The following EPS15L1 variants were observed in gnomAD, a reference collection of about 807,000 sequenced individuals.
EPS15L1 encodes epidermal growth factor receptor pathway substrate 15 like 1.
Under a neutral mutation model 117.1 loss-of-function variants are expected in EPS15L1, and 43 were observed. That is an observed-to-expected ratio of 0.37 (90% confidence interval 0.29 to 0.47). The LOEUF (loss-of-function observed/expected upper bound fraction) is 0.47. Ranked by LOEUF, EPS15L1 falls within the 20% of genes least tolerant of loss-of-function variation. The pLI, the probability that EPS15L1 is intolerant of heterozygous loss-of-function variation, is 0.99. For missense variants in EPS15L1, 981 were observed against 1,164.0 expected, an observed-to-expected ratio of 0.84 and a Z score of 2.29; for synonymous variants, 459 against 470.5, an observed-to-expected ratio of 0.98 and a Z score of 0.32.
At chr19:16,450,109 T>C (rs1201904994) in intron 1 of EPS15L1, among the ~76,000 whole-genome samples, 1 of 150,950 alleles carries the variant, frequency 6.6e-6, no homozygotes, top group Non-Finnish European at 1.5e-5. Context: ...TAGCCACGCA[T>C]GGTGGCACAT....
chr19:16,429,835 T>G (rs2092911347), intron 7 of EPS15L1, among the ~76,000 whole-genome samples: 1 of 152,152 alleles, frequency 6.6e-6, no homozygotes, highest in Non-Finnish European at 1.5e-5. Flanking sequence ...GGCTCCACAG[T>G]CCTCCCTCAG....
chr19:16,434,514 G>A lies in EPS15L1; in HGVS notation c.373-24C>T, dbSNP rs745786905. 6 of 1,608,418 alleles carry A rather than the reference G, an allele frequency of 3.7e-6. No individual in the cohort carries two copies. The Admixed American group carries it at 6.7e-5, about 18-fold the overall frequency. ...ACCTAGTTGGAAAGAAATAGCCCGA[G>A]TAAGTAGGAGAGCACACCTGTGTGA... On this transcript the variant is annotated intron_variant, in intron 6 of 23. Coordinates refer to ENST00000455140, the MANE Select transcript of EPS15L1 (RefSeq NM_001258374.3).
chr19:16,451,537 T>A (rs146273418), intron 1 of EPS15L1, among the ~76,000 whole-genome samples: 3,672 of 151,650 alleles, frequency 0.024, 120 homozygotes, highest in Admixed American at 0.086. Context: ...TTATTTTTTT[T>A]ATTTTTTTTG....
chr19:16,436,850 G>C (rs916489145), intron 6 of EPS15L1, 87 bp downstream of exon 6: 1 of 1,129,224 alleles, frequency 8.9e-7, no homozygotes, highest in Non-Finnish European at 1.3e-6. Flanking sequence ...CATCAAACTA[G>C]AACAATTCCA....
intron 6 of EPS15L1, 95 bp downstream of exon 6, chr19:16,436,842 T>A (rs2092982934): frequency 9.6e-7 from 1 of 1,040,704 alleles, no homozygotes; most frequent in East Asian, 2.4e-5. Context: ...CTGAACAACA[T>A]CAAACTAGAA....
rs533617673 is a variant in EPS15L1 at position 16,378,156 on chromosome 19, G to A, written c.2248-902C>T. ...GATGGGCAGGTAGAGACAGGGAGGCGGGTGGGTGGTAGACAGGGAGGCAGA... is the reference window on the plus strand; with the variant it reads ...GATGGGCAGGTAGAGACAGGGAGGCAGGTGGGTGGTAGACAGGGAGGCAGA... On this transcript the variant is annotated intron_variant, in intron 21 of 23. Coordinates refer to ENST00000455140, the MANE Select transcript of EPS15L1 (RefSeq NM_001258374.3). Among the ~76,000 whole-genome samples, 56 of 152,164 alleles carry A rather than the reference G, an allele frequency of 3.7e-4. No homozygotes were observed. In the South Asian group the frequency reaches 4.0e-3, roughly 11 times the overall value.
At chr19:16,393,509 C>T (rs1418363808) in intron 18 of EPS15L1, among the ~76,000 whole-genome samples, 14 of 151,272 alleles carry the variant, frequency 9.3e-5, no homozygotes, top group South Asian at 4.2e-4. Flanking sequence ...ATTAGCCGGG[C>T]GTGGTAGCGG....
In EPS15L1 at chr19:16,436,304, T is replaced by G. The variant is rs2092977704; in HGVS notation, c.372+633A>C. On this transcript the variant is annotated intron_variant, in intron 6 of 23. Transcript: ENST00000455140. ...AAAGTGAAGGGAAGGTGAGGAGGCC[T>G]GATGTTACTTGGAGGGACCATGCTC... 2.0e-5 allele frequency among the ~76,000 whole-genome samples: 3 copies of G among 152,208 alleles called. No individual in the cohort carries two copies. The South Asian group carries it at 6.2e-4, about 32-fold the overall frequency.
intron 3 of EPS15L1, 131 bp downstream of exon 3, chr19:16,441,761 G>T: frequency 1.5e-6 from 1 of 652,696 alleles, no homozygotes; most frequent in Non-Finnish European, 2.7e-6. Context: ...AGCCTGAGAG[G>T]TCTGCAGCGA....
At position 16,395,393 on chromosome 19, in the gene EPS15L1, T is replaced by G. The variant is rs1568414861; in HGVS notation, c.1866A>C (p.Thr622=). 6.2e-7 allele frequency: 1 copy of G among 1,614,044 alleles called. No individual in the cohort carries two copies. The highest frequency in any genetic ancestry group is 8.5e-7 in the Non-Finnish European group (1 of 1,179,914). The change falls in exon 17 of 24, where the codon ACA becomes ACC. Residue 622 remains threonine, a synonymous_variant. Transcript: ENST00000455140. ...ATGGGTCAGATTTGAAGGGGTCTTC[T>G]GTCTGGAAAGGATCCGGATGCAACT... ...TQELHPDPFQ[T]EDPFKSDPFK...
intron 10 of EPS15L1, among the ~76,000 whole-genome samples, 184 bp downstream of exon 10, chr19:16,421,135 G>C (rs1190629259): frequency 2.0e-5 from 3 of 152,248 alleles, no homozygotes; most frequent in Non-Finnish European, 4.4e-5. Context: ...CGGAGCGCGG[G>C]CTTCGAGCCT....
intron 13 of EPS15L1, chr19:16,413,010 GT>G: frequency 1.4e-6 from 1 of 720,696 alleles, no homozygotes; most frequent in Non-Finnish European, 2.4e-6. Flanking sequence ...CAAGGATGAG[GT>G]TTTGAAGATT....
rs1307938620 is a variant in EPS15L1 at position 16,377,218 on chromosome 19, C to T, written c.2284G>A (p.Gly762Arg). The T allele has an allele frequency of 1.2e-6, 2 of 1,612,746 alleles. No individual in the cohort carries two copies. Among genetic ancestry groups the T allele is most frequent in the East Asian group, 2.2e-5 (1 of 44,786 alleles). Residue 762 changes from glycine to arginine, a missense_variant, in exon 22 of 24, where the codon GGG (glycine) becomes AGG (arginine). Physicochemically the swap from Gly to Arg is moderately radical, Grantham distance 125. Around this residue, in one of 5 missense-constraint regions of EPS15L1, gnomAD observed 819 missense variants for 949.0 expected, o/e 0.86. Transcript: ENST00000455140. The stretch of plus-strand genomic sequence containing the variant: ...AAGGGGTCATCTGAGAATCCTGCCC[C>T]TCCCAAGGAGGAGGTGAAAGGGCCA... ...PSGPFTSSLG[G>R]AGFSDDPFKS...
At chr19:16,467,733 C>G (rs529096439) in intron 1 of EPS15L1, among the ~76,000 whole-genome samples, 1 of 152,106 alleles carries the variant, frequency 6.6e-6, no homozygotes, top group Admixed American at 6.5e-5. Flanking sequence ...AGTAAGTGTC[C>G]GAGCCACTCA....
intron 22 of EPS15L1, among the ~76,000 whole-genome samples, chr19:16,368,200 T>C (rs982429471): frequency 1.3e-5 from 2 of 152,150 alleles, no homozygotes; most frequent in African/African-American, 4.8e-5. Context: ...CTCTCACTCA[T>C]CCTACACAAC....
rs779066558 is a variant in EPS15L1 at position 16,425,297 on chromosome 19, C to T, written c.578G>A (p.Arg193Gln). 5 of 1,600,186 alleles carry T rather than the reference C, an allele frequency of 3.1e-6. No homozygotes were observed. Among genetic ancestry groups the T allele is most frequent in the South Asian group, 1.1e-5 (1 of 89,284 alleles). ...EFAVAMHLVYRALEKEPVPSA... is the reference protein window; with the variant it reads ...EFAVAMHLVYQALEKEPVPSA... ...GGGCACGGGCTCCTTCTCCAGGGCT[C>T]GGTACACCAAGTGCATGGCCTGCAG... is the stretch of plus-strand genomic sequence containing the variant. Residue 193 changes from arginine (R) to glutamine (Q), a missense_variant, in exon 9 of 24, where the codon CGA (arginine) becomes CAA (glutamine). Transcript: ENST00000455140.
intron 19 of EPS15L1, among the ~76,000 whole-genome samples, chr19:16,391,927 G>A (rs1215847762): frequency 1.3e-5 from 2 of 152,124 alleles, no homozygotes; most frequent in Non-Finnish European, 2.9e-5. Context: ...ATGCGAGCAT[G>A]TGGTGCTTGT....
chr19:16,378,413 C>A (rs1028520789), intron 21 of EPS15L1, among the ~76,000 whole-genome samples: 1 of 152,114 alleles, frequency 6.6e-6, no homozygotes, highest in Non-Finnish European at 1.5e-5. Context: ...CTCAGGTCTC[C>A]TGCTGGGGAA....
chr19:16,396,444 TA>T lies in EPS15L1; in HGVS notation c.1792-978del, dbSNP rs1466705375. Among the ~76,000 whole-genome samples, 9 of 152,224 alleles carry T rather than the reference TA, an allele frequency of 5.9e-5. No individual in the cohort carries two copies. In the East Asian group the frequency reaches 1.7e-3, roughly 29 times the overall value. On this transcript the variant is annotated intron_variant, in intron 16 of 23. Coordinates refer to ENST00000455140, the MANE Select transcript of EPS15L1 (RefSeq NM_001258374.3). ...GCCTGGCTAATTTTTATATTTTTTG[TA>T]GAAATGAAGTCTCTCACTATGTTGC...
Sources: gnomAD v4.1 joint callset for allele counts (sites outside exome capture counted in the v4.1 genomes callset) on GRCh38, gnomAD v4.1.1 for gene constraint, gnomAD v4.1.1 regional missense constraint, MANE v1.5 for transcripts, NCBI Gene and HGNC (gene_info 2026-07-23, HGNC 2026-07-21) for gene names.